The following CACNA2D3 variants were observed in gnomAD, a reference collection of about 807,000 sequenced individuals.
CACNA2D3 encodes voltage-dependent calcium channel subunit alpha-2/delta-3.
A neutral mutation model predicts 160.6 loss-of-function variants in CACNA2D3; 60 were observed. The ratio of observed to expected loss-of-function variants is 0.37; its 90% CI spans 0.30 to 0.46. The LOEUF is 0.46. CACNA2D3 is among the 20% of genes least tolerant of loss of function. The pLI is 1.00. For synonymous variants in CACNA2D3, 558 were observed against 492.9 expected (o/e 1.13, Z -1.75); for missense variants, 1,205 against 1,365.0 (o/e 0.88, Z 1.85).
At chr3:54,721,493 G>C (rs2106988461) in intron 11 of CACNA2D3, among the ~76,000 whole-genome samples, 1 of 152,196 alleles carries the variant, frequency 6.6e-6, no homozygotes. Context: ...GGGCACGGTG[G>C]CTCACACCTG....
intron 8 of CACNA2D3, among the ~76,000 whole-genome samples, chr3:54,572,953 A>G (rs558535905): frequency 1.5e-3 from 228 of 152,346 alleles, no homozygotes; most frequent in African/African-American, 5.1e-3. Flanking sequence ...ATGTAAGTTC[A>G]TTAAGATATA....
chr3:54,226,489 AC>A (rs1349766094), intron 2 of CACNA2D3, among the ~76,000 whole-genome samples: 3 of 151,782 alleles, frequency 2.0e-5, no homozygotes, highest in Non-Finnish European at 4.4e-5. Context: ...TTTTGTTGAG[AC>A]AAGGGTCTTG....
At chr3:54,336,179 C>T (rs547976404) in intron 3 of CACNA2D3, among the ~76,000 whole-genome samples, 10 of 152,194 alleles carry the variant, frequency 6.6e-5, no homozygotes, top group South Asian at 2.1e-4. Flanking sequence ...AGTCTTCTTA[C>T]GCATGGACGC....
At chr3:54,369,122 A>C (rs1458760152) in intron 3 of CACNA2D3, among the ~76,000 whole-genome samples, 2 of 152,110 alleles carry the variant, frequency 1.3e-5, no homozygotes, top group Non-Finnish European at 1.5e-5. Flanking sequence ...TACATATATC[A>C]GTGTCTAAGG....
chr3:54,261,746 T>C (rs1484299971), intron 2 of CACNA2D3, among the ~76,000 whole-genome samples: 1 of 152,194 alleles, frequency 6.6e-6, no homozygotes, highest in Non-Finnish European at 1.5e-5. Context: ...GGATACAAAG[T>C]CACATTCTAC....
At chr3:54,712,809 G>C (rs758508405) in intron 11 of CACNA2D3, among the ~76,000 whole-genome samples, 1 of 152,164 alleles carries the variant, frequency 6.6e-6, no homozygotes, top group Non-Finnish European at 1.5e-5. Context: ...TATCTTGCAC[G>C]GCAGCACTAA....
At chr3:54,293,404 T>G (rs2107480463) in intron 2 of CACNA2D3, among the ~76,000 whole-genome samples, 1 of 152,242 alleles carries the variant, frequency 6.6e-6, no homozygotes, top group East Asian at 1.9e-4. Context: ...TCTTATGCCT[T>G]TATGTCCTCA....
At chr3:54,853,397 T>TA (rs954582765) in intron 17 of CACNA2D3, among the ~76,000 whole-genome samples, 1 of 152,218 alleles carries the variant, frequency 6.6e-6, no homozygotes, top group African/African-American at 2.4e-5. Context: ...TTTCTTACAA[T>TA]AAATGAGAAG....
chr3:55,026,218 G>T (rs1275984374), intron 35 of CACNA2D3, among the ~76,000 whole-genome samples: 1 of 152,036 alleles, frequency 6.6e-6, no homozygotes, highest in Non-Finnish European at 1.5e-5. Flanking sequence ...CTTGTGAGAT[G>T]GCAATTTGGC....
At chr3:54,965,563 G>T (rs891144705) in intron 27 of CACNA2D3, among the ~76,000 whole-genome samples, 1 of 152,200 alleles carries the variant, frequency 6.6e-6, no homozygotes, top group Non-Finnish European at 1.5e-5. Flanking sequence ...TCAACTGGAC[G>T]TGGAGGGAGC....
chr3:54,520,116 G>A (rs1701622526), intron 5 of CACNA2D3, among the ~76,000 whole-genome samples: 2 of 152,264 alleles, frequency 1.3e-5, no homozygotes, highest in South Asian at 2.1e-4. Context: ...AGTGGTTCCA[G>A]TATCCTTCTG....
chr3:54,881,479 G>A (rs773220621), intron 21 of CACNA2D3, among the ~76,000 whole-genome samples: 4 of 152,164 alleles, frequency 2.6e-5, no homozygotes, highest in Non-Finnish European at 4.4e-5. Flanking sequence ...CAGTAAACAG[G>A]AGCAGTTGTT....
intron 11 of CACNA2D3, among the ~76,000 whole-genome samples, chr3:54,732,021 T>G (rs911951557): frequency 2.0e-5 from 3 of 152,220 alleles, no homozygotes; most frequent in Non-Finnish European, 4.4e-5. Context: ...TTCAAATGTT[T>G]GTGGGTTGAT....
At chr3:54,463,160 G>A (rs1340340537) in intron 4 of CACNA2D3, among the ~76,000 whole-genome samples, 1 of 151,736 alleles carries the variant, frequency 6.6e-6, no homozygotes, top group East Asian at 1.9e-4. Flanking sequence ...TAGTCTGATG[G>A]GCTTCCCTTT....
chr3:54,979,683 A>G (rs1702465341), intron 29 of CACNA2D3, among the ~76,000 whole-genome samples: 2 of 151,754 alleles, frequency 1.3e-5, no homozygotes, highest in African/African-American at 2.4e-5. Context: ...CTTGAACAGA[A>G]CTCCTGTTCT....
At chr3:54,869,588 A>C (rs2703029) in intron 17 of CACNA2D3, among the ~76,000 whole-genome samples, 96,607 of 152,036 alleles carry the variant, frequency 0.64, 31,388 homozygotes, top group East Asian at 0.87. Context: ...AAAGTTCTGC[A>C]TGTGAAGTTC....
chr3:54,502,528 C>T (rs6805885), intron 4 of CACNA2D3, among the ~76,000 whole-genome samples: 1,646 of 152,262 alleles, frequency 0.011, 13 homozygotes, highest in African/African-American at 0.015. Flanking sequence ...TCTTACATGT[C>T]CGCTTTTTCC....
chr3:54,888,324 G>A (rs1012614677), intron 24 of CACNA2D3, among the ~76,000 whole-genome samples: 8 of 152,142 alleles, frequency 5.3e-5, no homozygotes, highest in South Asian at 2.1e-4. Flanking sequence ...AGAGGGAGGC[G>A]GAAGGGAACT....
In CACNA2D3 at chr3:54,971,383, C is replaced by A. The variant is rs554381820; in HGVS notation, c.2556+1539C>A. Among the ~76,000 whole-genome samples the A allele has an allele frequency of 2.0e-5, 3 of 152,168 alleles. No homozygotes were observed. In the South Asian group the frequency reaches 6.2e-4, roughly 32 times the overall value. On this transcript the variant is annotated intron_variant, in intron 29 of 37. Transcript: ENST00000474759. ...TAGTGATTAATCAGTGTCTCGAGGC[C>A]CTGTGTTAAGCTCTTCACTTGCACA...
Sources: gnomAD v4.1 joint callset for allele counts (sites outside exome capture counted in the v4.1 genomes callset) on GRCh38, gnomAD v4.1.1 for gene constraint, MANE v1.5 for transcripts, NCBI Gene and HGNC (gene_info 2026-07-23, HGNC 2026-07-21) for gene names.